Variants in WDPCP observed in about 807,000 individuals in gnomAD.
WDPCP encodes the protein WD repeat-containing and planar cell polarity effector protein fritz homolog.
WDPCP carries 71 observed loss-of-function variants against 93.1 expected under a neutral mutation model. The observed-to-expected ratio is 0.76, with a 90% CI of 0.63 to 0.93. The LOEUF is 0.93. Among genes scored for constraint, WDPCP ranks in the 40% least tolerant of loss-of-function variants. The probability of loss-of-function intolerance (pLI) is 0.00; values close to 1 mark genes in which losing one functional copy is unlikely to be tolerated. For synonymous variants in WDPCP, 315 were observed against 315.0 expected (o/e 1.00, Z 0.00); for missense variants, 844 against 887.4 (o/e 0.95, Z 0.62).
intron 10 of WDPCP, among the ~76,000 whole-genome samples, chr2:63,402,743 CAA>C: frequency 6.6e-6 from 1 of 151,948 alleles, no homozygotes; most frequent in Non-Finnish European, 1.5e-5. Context: ...CCCAGGTCCA[CAA>C]AGAATGGCTA....
intron 3 of WDPCP, among the ~76,000 whole-genome samples, chr2:63,612,372 C>A (rs1424642880): frequency 6.6e-6 from 1 of 152,118 alleles, no homozygotes; most frequent in East Asian, 1.9e-4. Context: ...AATACGCCAC[C>A]CCAAAATATG....
At chr2:63,234,288 G>C (rs1679188711) in intron 14 of WDPCP, among the ~76,000 whole-genome samples, 1 of 151,984 alleles carries the variant, frequency 6.6e-6, no homozygotes, top group African/African-American at 2.4e-5. Context: ...TAGTGTTGTT[G>C]AGATAACAAT....
chr2:63,622,554 A>G, intron 3 of WDPCP: 1 of 1,613,834 alleles, frequency 6.2e-7, no homozygotes, highest in Non-Finnish European at 8.5e-7. Context: ...GAAGGTAGTC[A>G]TGGTCTGATT....
chr2:63,202,177 G>C (rs1310965351), intron 14 of WDPCP, among the ~76,000 whole-genome samples: 1 of 151,118 alleles, frequency 6.6e-6, no homozygotes, highest in Non-Finnish European at 1.5e-5. Flanking sequence ...TATATATATA[G>C]GATTTTCTTT....
chr2:63,280,090 C>A (rs1394134288), intron 13 of WDPCP, among the ~76,000 whole-genome samples: 2 of 152,148 alleles, frequency 1.3e-5, no homozygotes, highest in Non-Finnish European at 2.9e-5. Context: ...ATACCACCAT[C>A]ATTCTTCACA....
intron 12 of WDPCP, among the ~76,000 whole-genome samples, chr2:63,371,546 T>C (rs566527991): frequency 6.6e-6 from 1 of 152,268 alleles, no homozygotes; most frequent in Admixed American, 6.5e-5. Context: ...TGACCCATTG[T>C]CTCATTCCTC....
chr2:63,793,058 T>C (rs988007433), intron 2 of WDPCP, among the ~76,000 whole-genome samples: 1 of 152,060 alleles, frequency 6.6e-6, no homozygotes, highest in Non-Finnish European at 1.5e-5. Flanking sequence ...TCAAAGACAA[T>C]AGGATAATGA....
chr2:63,553,799 A>G (rs2106371996), intron 1 of WDPCP, among the ~76,000 whole-genome samples: 1 of 152,316 alleles, frequency 6.6e-6, no homozygotes, highest in South Asian at 2.1e-4. Flanking sequence ...AAACTCCTCT[A>G]TACCCTTGAC....
At chr2:63,610,517 A>G (rs262490) in intron 3 of WDPCP, among the ~76,000 whole-genome samples, 122,211 of 151,856 alleles carry the variant, frequency 0.8, 49,847 homozygotes, top group East Asian at 0.98. Flanking sequence ...TGAAAACCAA[A>G]TTTTTGTTTA....
At chr2:63,529,743 G>GAGGATTCTCTCTTTTTCT (rs1703668013) in intron 1 of WDPCP, among the ~76,000 whole-genome samples, 1 of 150,550 alleles carries the variant, frequency 6.6e-6, no homozygotes, top group Non-Finnish European at 1.5e-5. Context: ...ATGAGTTAGG[G>GAGGATTCTCTCTTTTTCT]ATTGATTGGA....
At chr2:63,321,523 T>C (rs1354006938) in intron 12 of WDPCP, among the ~76,000 whole-genome samples, 4 of 152,080 alleles carry the variant, frequency 2.6e-5, no homozygotes, top group Non-Finnish European at 5.9e-5. Flanking sequence ...TACGTGCAAA[T>C]TAACTACTGG....
intron 2 of WDPCP, among the ~76,000 whole-genome samples, chr2:63,730,159 T>C (rs567239419): frequency 1.1e-4 from 16 of 152,148 alleles, no homozygotes; most frequent in Non-Finnish European, 1.5e-4. Flanking sequence ...CATTATCTCA[T>C]GCAATCTTCA....
intron 2 of WDPCP, among the ~76,000 whole-genome samples, chr2:63,652,784 G>T (rs957436121): frequency 2.7e-5 from 4 of 148,440 alleles, no homozygotes; most frequent in Non-Finnish European, 6.0e-5. Context: ...GTCCAACTCA[G>T]TGTGGGCCAT....
chr2:63,314,024 G>A (rs537604761), intron 12 of WDPCP, among the ~76,000 whole-genome samples: 70 of 150,064 alleles, frequency 4.7e-4, no homozygotes, highest in African/African-American at 8.1e-4. Context: ...GGGAGTAGGC[G>A]CGCACCACCA....
At chr2:63,747,368 T>C (rs1411662068) in intron 2 of WDPCP, among the ~76,000 whole-genome samples, 1 of 152,184 alleles carries the variant, frequency 6.6e-6, no homozygotes, top group Non-Finnish European at 1.5e-5. Context: ...CTGTACTCTG[T>C]TGCCATGAGG....
At chr2:63,614,166 T>C (rs985518424) in intron 3 of WDPCP, among the ~76,000 whole-genome samples, 2 of 152,166 alleles carry the variant, frequency 1.3e-5, no homozygotes, top group Admixed American at 6.5e-5. Context: ...AATCATTTAC[T>C]ACCCCTCAAA....
At chr2:63,197,849 A>G (rs966735890) in intron 14 of WDPCP, among the ~76,000 whole-genome samples, 9 of 152,344 alleles carry the variant, frequency 5.9e-5, no homozygotes, top group African/African-American at 2.2e-4. Flanking sequence ...GGATCATTTA[A>G]TTAGATTGGG....
intron 15 of WDPCP, among the ~76,000 whole-genome samples, chr2:63,166,470 G>A (rs1011557510): frequency 5.3e-5 from 8 of 152,052 alleles, no homozygotes; most frequent in South Asian, 2.1e-4. Flanking sequence ...GCAGGGGCGC[G>A]ATCAGCTCAC....
intron 8 of WDPCP, among the ~76,000 whole-genome samples, chr2:63,436,665 T>G (rs1323692327): frequency 6.6e-6 from 1 of 152,032 alleles, no homozygotes; most frequent in Admixed American, 6.6e-5. Flanking sequence ...CAAATCCACA[T>G]CATAGAGGTT....
Sources: allele counts gnomAD v4.1 joint callset (sites outside exome capture counted in the v4.1 genomes callset), GRCh38; gene constraint gnomAD v4.1.1; transcripts MANE v1.5; gene names NCBI Gene and HGNC (gene_info 2026-07-23, HGNC 2026-07-21).